Variants in CCDC178 observed in about 807,000 individuals in gnomAD.
The protein encoded by CCDC178 is coiled-coil domain-containing protein 178.
CCDC178 carries 126 observed loss-of-function variants against 117.4 expected under a neutral mutation model. That is an observed-to-expected ratio of 1.07 (90% CI 0.93 to 1.24). The LOEUF (loss-of-function observed/expected upper bound fraction) is 1.24, where lower values mean the gene tolerates loss of function less well. Ranked by LOEUF, CCDC178 falls within the 50% of genes most tolerant of loss-of-function variation. CCDC178 has a pLI of 0.00. For missense variants in CCDC178, 1,030 were observed against 986.9 expected (o/e 1.04, Z -0.59); for synonymous variants, 283 against 313.4 (o/e 0.90, Z 1.02).
intron 12 of CCDC178, among the ~76,000 whole-genome samples, chr18:33,284,313 G>A (rs1012397828): frequency 2.0e-5 from 3 of 152,012 alleles, no homozygotes; most frequent in Admixed American, 6.6e-5. Flanking sequence ...GTACCTGGGT[G>A]ACAAAATAAC....
At chr18:32,950,075 C>T (rs183312570) in intron 22 of CCDC178, among the ~76,000 whole-genome samples, 18 of 152,234 alleles carry the variant, frequency 1.2e-4, no homozygotes, top group African/African-American at 3.9e-4. Context: ...GATACTATTT[C>T]CACTAATATT....
chr18:33,400,331 G>C (rs1035485643), intron 3 of CCDC178, among the ~76,000 whole-genome samples: 1 of 151,900 alleles, frequency 6.6e-6, no homozygotes, highest in South Asian at 2.1e-4. Flanking sequence ...GACTCAGCTT[G>C]TCCTTTCAAG....
chr18:33,024,388 A>G lies in CCDC178; in HGVS notation c.2389-49707T>C, dbSNP rs563987812. Among the ~76,000 whole-genome samples, 5 of 152,112 alleles carry G rather than the reference A, an allele frequency of 3.3e-5. No individual in the cohort carries two copies. The East Asian group carries it at 7.8e-4, about 24-fold the overall frequency. ...GGCTGCTTTCTGTCTTTCTCCTCACATGATTTTTCCTCTGTATGCATGCAT... is the reference window on the plus strand; with the variant it reads ...GGCTGCTTTCTGTCTTTCTCCTCACGTGATTTTTCCTCTGTATGCATGCAT... On this transcript the variant is annotated intron_variant, in intron 21 of 22. Coordinates refer to ENST00000383096, the MANE Select transcript of CCDC178 (RefSeq NM_001105528.4).
chr18:33,071,234 G>C (rs1191130021), intron 21 of CCDC178, among the ~76,000 whole-genome samples: 1 of 151,940 alleles, frequency 6.6e-6, no homozygotes, highest in Non-Finnish European at 1.5e-5. Context: ...GGAATGAATT[G>C]GTCATGTAGA....
chr18:33,123,082 T>C (rs73419412), intron 20 of CCDC178, among the ~76,000 whole-genome samples: 9,729 of 152,182 alleles, frequency 0.064, 1,048 homozygotes, highest in African/African-American at 0.22. Context: ...TTAAGCACTA[T>C]CTTGAATATA....
intron 21 of CCDC178, among the ~76,000 whole-genome samples, chr18:32,975,561 A>G (rs1382762775): frequency 6.6e-6 from 1 of 152,132 alleles, no homozygotes; most frequent in Non-Finnish European, 1.5e-5. Context: ...AACAGTAAAA[A>G]CAGTTTCTTA....
intron 12 of CCDC178, among the ~76,000 whole-genome samples, chr18:33,279,440 A>G (rs2059993964): frequency 6.6e-6 from 1 of 152,198 alleles, no homozygotes; most frequent in African/African-American, 2.4e-5. Flanking sequence ...CCACTGCTCA[A>G]TGAAATAAAA....
At chr18:33,141,668 G>C (rs934409996) in intron 20 of CCDC178, among the ~76,000 whole-genome samples, 1 of 152,140 alleles carries the variant, frequency 6.6e-6, no homozygotes, top group African/African-American at 2.4e-5. Context: ...AAGTTCCTCT[G>C]GGGAAGAAGT....
chr18:32,997,375 A>G (rs1473160764), intron 21 of CCDC178, among the ~76,000 whole-genome samples: 4 of 152,180 alleles, frequency 2.6e-5, no homozygotes, highest in African/African-American at 4.8e-5. Context: ...CATCCAATCA[A>G]TTGAATGCCT....
intron 11 of CCDC178, among the ~76,000 whole-genome samples, chr18:33,310,680 C>T (rs2062328581): frequency 6.6e-6 from 1 of 151,888 alleles, no homozygotes. Context: ...AGTGAGACCC[C>T]CTCTGAAAAA....
intron 6 of CCDC178, among the ~76,000 whole-genome samples, chr18:33,361,429 G>C (rs2063126520): frequency 6.6e-6 from 1 of 151,466 alleles, no homozygotes; most frequent in Non-Finnish European, 1.5e-5. Context: ...CATTGGTCTT[G>C]ACAACAACTT....
intron 11 of CCDC178, among the ~76,000 whole-genome samples, chr18:33,306,540 AATATATGGTTATAT>A (rs973046913): frequency 2.7e-5 from 4 of 146,662 alleles, no homozygotes; most frequent in African/African-American, 5.0e-5. Context: ...GGTTATATAT[AATATATGGTTATAT>A]ATATATGGTT....
intron 9 of CCDC178, among the ~76,000 whole-genome samples, chr18:33,342,696 C>T (rs968181592): frequency 5.3e-5 from 8 of 152,140 alleles, no homozygotes; most frequent in East Asian, 1.9e-4. Flanking sequence ...CTTGAGCCAG[C>T]GCAATTGGAT....
intron 21 of CCDC178, among the ~76,000 whole-genome samples, chr18:33,016,724 A>G (rs2055999773): frequency 6.6e-6 from 1 of 151,994 alleles, no homozygotes; most frequent in Non-Finnish European, 1.5e-5. Flanking sequence ...TGTTACTTGT[A>G]TTCCCCAGTG....
At chr18:33,054,633 G>A (rs1372115067) in intron 21 of CCDC178, among the ~76,000 whole-genome samples, 1 of 152,100 alleles carries the variant, frequency 6.6e-6, no homozygotes, top group African/African-American at 2.4e-5. Flanking sequence ...AGCATTCCAT[G>A]GTATATATGT....
intron 12 of CCDC178, among the ~76,000 whole-genome samples, chr18:33,268,677 A>C (rs1443202071): frequency 6.6e-6 from 1 of 151,848 alleles, no homozygotes. Context: ...AAATTAAATA[A>C]GACGACCATG....
chr18:33,145,479 A>G (rs900963435), intron 20 of CCDC178, among the ~76,000 whole-genome samples: 16 of 152,172 alleles, frequency 1.1e-4, no homozygotes, highest in African/African-American at 2.4e-5. Flanking sequence ...GGTATAGTAC[A>G]CTTGAAATGT....
At chr18:33,353,734 T>C (rs1029314275) in intron 7 of CCDC178, among the ~76,000 whole-genome samples, 11 of 152,164 alleles carry the variant, frequency 7.2e-5, no homozygotes, top group African/African-American at 2.4e-4. Flanking sequence ...TACATAGTTA[T>C]CCATTTTGTG....
intron 14 of CCDC178, 29 bp downstream of exon 14, chr18:33,266,887 T>A: frequency 6.7e-7 from 1 of 1,487,190 alleles, no homozygotes; most frequent in African/African-American, 1.4e-5. Flanking sequence ...GATTATGGTA[T>A]ATAAGAAGAA....
Sources: allele counts gnomAD v4.1 joint callset (sites outside exome capture counted in the v4.1 genomes callset), GRCh38; gene constraint gnomAD v4.1.1; transcripts MANE v1.5; gene names NCBI Gene and HGNC (gene_info 2026-07-23, HGNC 2026-07-21).